F5: variants seen among roughly 807,000 people sequenced by gnomAD.
F5 encodes activated protein c cofactor.
Under a neutral mutation model 216.4 loss-of-function variants are expected in F5, and 138 were observed. The ratio of observed to expected loss-of-function variants is 0.64; its 90% confidence interval spans 0.56 to 0.73. The LOEUF is 0.73. Among genes scored for constraint, F5 ranks in the 30% least tolerant of loss-of-function variants. The pLI is 0.00. For synonymous variants in F5, 916 were observed against 930.7 expected, an observed-to-expected ratio of 0.98 and a Z score of 0.29; for missense variants, 2,403 against 2,674.0, an observed-to-expected ratio of 0.90 and a Z score of 2.24.
rs9332588 is a variant in F5 at position 169,546,291 on chromosome 1, C to T, written c.1762+151G>A. 7.0e-4 allele frequency: 654 copies of T among 939,644 alleles called. 3 individuals carry two copies. The African/African-American group carries it at 8.7e-3, about 13-fold the overall frequency. The allele number at this position is 939,644 out of a possible 1,614,324, so 58.2% of individuals were successfully genotyped here. ...AAAAATGTTGCTATGATGTCACCCA[C>T]GGATTTCATCACCAAGTCTTTGGAC... On this transcript the variant is annotated intron_variant, in intron 11 of 24. Transcript: ENST00000367797.
At position 169,513,163 on chromosome 1, in the gene F5, T is replaced by C. The variant is rs549775870; in HGVS notation, c.*1150A>G. Among the ~76,000 whole-genome samples, 1 of 152,188 alleles carries C rather than the reference T, an allele frequency of 6.6e-6. No individual in the cohort carries two copies. Among genetic ancestry groups the C allele is most frequent in the South Asian group, 2.1e-4 (1 of 4,822 alleles). On this transcript the variant is annotated 3_prime_UTR_variant, in exon 25 of 25. Coordinates refer to ENST00000367797, the MANE Select transcript of F5 (RefSeq NM_000130.5). Reference sequence around the variant, plus strand: ...AATTTCGTTGATAAAATTTTATATATTTATGGTATACATAACATTTTGATA... The same window carrying C: ...AATTTCGTTGATAAAATTTTATATACTTATGGTATACATAACATTTTGATA...
chr1:169,525,031 G>A, intron 18 of F5, 123 bp from the exon 19 acceptor site: 1 of 756,478 alleles, frequency 1.3e-6, no homozygotes, highest in Non-Finnish European at 2.2e-6. Context: ...TACCTTGTGT[G>A]GCCCTGACTT....
intron 3 of F5, among the ~76,000 whole-genome samples, chr1:169,563,496 A>T (rs896351207): frequency 6.6e-6 from 1 of 151,912 alleles, no homozygotes; most frequent in African/African-American, 2.4e-5. Context: ...TGCTCTGTTC[A>T]CTTTCTTCAG....
At chr1:169,525,560 T>G (rs944491988) in intron 18 of F5, among the ~76,000 whole-genome samples, 3 of 152,196 alleles carry the variant, frequency 2.0e-5, no homozygotes, top group Non-Finnish European at 4.4e-5. Context: ...AATGCTGAAA[T>G]GTCAAGTTTA....
intron 3 of F5, among the ~76,000 whole-genome samples, chr1:169,571,356 C>T (rs566156677): frequency 2.6e-5 from 4 of 152,250 alleles, no homozygotes; most frequent in East Asian, 3.9e-4. Flanking sequence ...TAAGTGACTT[C>T]ATTTAAATTT....
intron 18 of F5, 81 bp from the exon 19 acceptor site, chr1:169,524,989 T>A: frequency 1.8e-6 from 2 of 1,081,958 alleles, no homozygotes; most frequent in Non-Finnish European, 2.8e-6. Flanking sequence ...TTAGGGATTA[T>A]GTTTCTGACT....
intron 22 of F5, among the ~76,000 whole-genome samples, chr1:169,519,691 G>A (rs1341610338): frequency 5.3e-5 from 8 of 152,178 alleles, no homozygotes; most frequent in Admixed American, 3.9e-4. Flanking sequence ...GTGTGCCACG[G>A]CAGGTTTCTA....
At chr1:169,525,180 A>C (rs1377380851) in intron 18 of F5, among the ~76,000 whole-genome samples, 1 of 152,014 alleles carries the variant, frequency 6.6e-6, no homozygotes, top group Non-Finnish European at 1.5e-5. Context: ...TTTTATCTTA[A>C]ATTATGCTAT....
intron 5 of F5, 47 bp from the exon 6 acceptor site, chr1:169,556,914 T>C (rs1660345756): frequency 6.5e-7 from 1 of 1,532,588 alleles, no homozygotes; most frequent in Non-Finnish European, 9.0e-7. Context: ...TTCAGTCAAG[T>C]ACTCTGTGAT....
chr1:169,534,709 T>A (rs765548999), intron 14 of F5, among the ~76,000 whole-genome samples: 2 of 151,884 alleles, frequency 1.3e-5, no homozygotes, highest in Non-Finnish European at 2.9e-5. Context: ...TACATTGTTC[T>A]ACTGAAAAGA....
At chr1:169,531,048 G>A (rs759511455) in intron 14 of F5, 26 bp from the exon 15 acceptor site, 3 of 1,559,932 alleles carry the variant, frequency 1.9e-6, no homozygotes, top group East Asian at 2.2e-5. Context: ...ATCCACAAAT[G>A]TACTTAAGCT....
Position 169,512,454 on chromosome 1 carries a change from G to A in F5, c.*1859C>T, listed in dbSNP as rs960471047. ...GTGGGGCTCATTGAAAAATGGAAAT[G>A]TCGAATTCCTTCTTAAAAAATAAAG... On this transcript the variant is annotated 3_prime_UTR_variant, in exon 25 of 25. Coordinates refer to ENST00000367797, the MANE Select transcript of F5 (RefSeq NM_000130.5). 3.3e-5 allele frequency among the ~76,000 whole-genome samples: 5 copies of A among 152,124 alleles called. No individual in the cohort carries two copies. The highest frequency in any genetic ancestry group is 1.2e-4 in the African/African-American group (5 of 41,540).
chr1:169,556,730 T>C lies in F5; in HGVS notation c.868A>G (p.Ser290Gly). The part of the protein sequence containing the change: ...HHKVSAITLV[S>G]ATSTTANMTV... ...ATATTTGCGGTAGTGGATGTAGCAC[T>C]GACAAGGGTGATGGCTGAGACCTTA... The change falls in exon 6 of 25, where the codon AGT becomes GGT. Residue 290 changes from serine (S) to glycine (G), a missense_variant. This residue lies in a region of F5 where 1,425 missense variants were observed against 1,554.8 expected (regional missense o/e 0.92). Coordinates refer to ENST00000367797, the MANE Select transcript of F5 (RefSeq NM_000130.5). 1 of 1,614,128 alleles carries C rather than the reference T, an allele frequency of 6.2e-7. No homozygotes were observed. The highest frequency in any genetic ancestry group is 1.1e-5 in the South Asian group (1 of 91,088).
intron 21 of F5, 63 bp from the exon 22 acceptor site, chr1:169,520,727 AT>A: frequency 7.2e-7 from 1 of 1,386,556 alleles, no homozygotes; most frequent in South Asian, 1.2e-5. Context: ...TTATATTAAA[AT>A]TTTGATCTAA....
In F5 at chr1:169,513,833, G is replaced by C. The variant is rs756353736; in HGVS notation, c.*480C>G. Among the ~76,000 whole-genome samples, 8 of 152,020 alleles carry C rather than the reference G, an allele frequency of 5.3e-5. No homozygotes were observed. The highest frequency in any genetic ancestry group is 7.2e-5 in the African/African-American group (3 of 41,418). On this transcript the variant is annotated 3_prime_UTR_variant, in exon 25 of 25. Coordinates refer to ENST00000367797, the MANE Select transcript of F5 (RefSeq NM_000130.5). ...AGAAAAATCATTGTTATATGGGAAA[G>C]ACAGGATATTTTAAGTACTTATTTC...
In F5 at chr1:169,529,589, C is replaced by G. The variant is rs564598728; in HGVS notation, c.5419+19G>C. 1.0e-5 allele frequency: 16 copies of G among 1,607,218 alleles called. 1 individual carries two copies. In the South Asian group the frequency reaches 1.4e-4, roughly 14 times the overall value. On this transcript the variant is annotated intron_variant, in intron 16 of 24. Transcript: ENST00000367797. ...GTGTGATTTAATTAGGAGATTAGAT[C>G]AAAGTCTGAGGAAAATACCGTGAAA...
chr1:169,557,231 A>G (rs1660353582), intron 5 of F5, among the ~76,000 whole-genome samples: 1 of 152,204 alleles, frequency 6.6e-6, no homozygotes, highest in Non-Finnish European at 1.5e-5. Context: ...TTTAACTATT[A>G]GAACTGGTAA....
Position 169,542,591 on chromosome 1 carries a change from T to C in F5, c.2499A>G (p.Glu833=), listed in dbSNP as rs1446305423. Residue 833 remains glutamate (E), a synonymous_variant, in exon 13 of 25, where the codon GAA becomes GAG. Transcript: ENST00000367797. ...GCTGTAGAGGATCCTCTATAGGGTC[T>C]TCAGAATATGGGCTGGAATGCTCTG... ...STAEHSSPYS[E]DPIEDPLQPD... is the part of the protein sequence containing the mutation. 1 of 1,614,068 alleles carries C rather than the reference T, an allele frequency of 6.2e-7. No homozygotes were observed. The highest frequency in any genetic ancestry group is 2.2e-5 in the East Asian group (1 of 44,870).
intron 6 of F5, 81 bp downstream of exon 6, chr1:169,556,565 G>A: frequency 2.2e-6 from 3 of 1,393,204 alleles, no homozygotes; most frequent in Middle Eastern, 1.8e-4. Context: ...GGCTTGAAAG[G>A]GCAAGGGAGA....
Sources: allele counts gnomAD v4.1 joint callset (sites outside exome capture counted in the v4.1 genomes callset), GRCh38; gene constraint gnomAD v4.1.1; regional missense constraint gnomAD v4.1.1; transcripts MANE v1.5; gene names NCBI Gene and HGNC (gene_info 2026-07-23, HGNC 2026-07-21).